Variants in FRY observed in about 807,000 individuals in gnomAD.
FRY encodes the protein FRY microtubule binding protein.
A neutral mutation model predicts 348.4 loss-of-function variants in FRY; 128 were observed. The observed-to-expected ratio is 0.37, with a 90% CI of 0.32 to 0.43. The LOEUF (loss-of-function observed/expected upper bound fraction) is 0.43. FRY is among the 20% of genes least tolerant of loss of function. FRY has a pLI of 1.00. For synonymous variants in FRY, 1,370 were observed against 1,374.7 expected, an observed-to-expected ratio of 1.00 and a Z score of 0.08; for missense variants, 2,736 against 3,695.2, an observed-to-expected ratio of 0.74 and a Z score of 6.73.
intron 27 of FRY, 142 bp from the exon 28 acceptor site, chr13:32,187,404 C>T (rs1883084930): frequency 1.5e-6 from 1 of 664,868 alleles, no homozygotes; most frequent in African/African-American, 1.8e-5. Context: ...CTAAAGAATG[C>T]TTTAAAAATC....
At chr13:32,137,168 TC>T in intron 11 of FRY, among the ~76,000 whole-genome samples, 196 bp downstream of exon 11, 1 of 152,222 alleles carries the variant, frequency 6.6e-6, no homozygotes, top group Non-Finnish European at 1.5e-5. Flanking sequence ...ATAAGATAAA[TC>T]ACTTCAGATT....
intron 2 of FRY, among the ~76,000 whole-genome samples, chr13:32,084,027 C>A (rs1875689194): frequency 6.6e-6 from 1 of 152,112 alleles, no homozygotes; most frequent in Non-Finnish European, 1.5e-5. Context: ...CATTTCTATA[C>A]CTTTTTTAAA....
intron 1 of FRY, among the ~76,000 whole-genome samples, chr13:32,062,307 A>G (rs964929444): frequency 1.3e-5 from 2 of 152,038 alleles, no homozygotes; most frequent in Non-Finnish European, 2.9e-5. Context: ...TTTCTATTGT[A>G]TGGCATCCCT....
intron 28 of FRY, among the ~76,000 whole-genome samples, chr13:32,188,538 T>G (rs148475317): frequency 2.6e-4 from 39 of 152,282 alleles, no homozygotes; most frequent in African/African-American, 8.4e-4. Context: ...ATTTTTCTGC[T>G]AATGCTTTGG....
Position 32,297,232 on chromosome 13 carries a change from T to C in FRY, c.*1772T>C, listed in dbSNP as rs1263219042. The C allele has an allele frequency of 6.6e-6, 1 of 152,230 alleles. No individual in the cohort carries two copies. Among genetic ancestry groups the C allele is most frequent in the Admixed American group, 6.5e-5 (1 of 15,290 alleles). The allele number at this position is 152,230 out of a possible 1,614,324, so 9.4% of individuals were successfully genotyped here. On this transcript the variant is annotated 3_prime_UTR_variant, in exon 61 of 61. Transcript: ENST00000542859. The stretch of plus-strand genomic sequence containing the variant: ...TGCAACTACTAGATTTTAATAATTT[T>C]CTGGACTGCTGAAAACATATTTTTC...
rs900156412 is a variant in FRY, at chr13:32,049,974, C to T, written c.70+18109C>T. 5.9e-5 allele frequency among the ~76,000 whole-genome samples: 9 copies of T among 152,252 alleles called. No homozygotes were observed. In the East Asian group the frequency reaches 9.7e-4, roughly 16 times the overall value. On this transcript the variant is annotated intron_variant, in intron 1 of 60. Coordinates refer to ENST00000542859, the MANE Select transcript of FRY (RefSeq NM_023037.3). Reference sequence around the variant, plus strand: ...ATATGCTCTTTAAATAGAATATTTGCGTTGAGGTTAAAAGGTGATGGCGGG... The same window carrying T: ...ATATGCTCTTTAAATAGAATATTTGTGTTGAGGTTAAAAGGTGATGGCGGG...
chr13:32,041,681 T>C (rs374698915), intron 1 of FRY, among the ~76,000 whole-genome samples: 1 of 152,224 alleles, frequency 6.6e-6, no homozygotes, highest in African/African-American at 2.4e-5. Flanking sequence ...TGTTGTCAGC[T>C]TCTCTTCCAG....
chr13:32,286,747 CAAAA>C (rs6144991), intron 58 of FRY, among the ~76,000 whole-genome samples: 11 of 77,498 alleles, frequency 1.4e-4, no homozygotes, highest in African/African-American at 6.4e-4. Flanking sequence ...GACTCTGTCT[CAAAA>C]AAAAAAAAAA....
rs561940073 is a variant in FRY, at chr13:32,118,750, T to G, written c.464+1277T>G. On this transcript the variant is annotated intron_variant, in intron 4 of 60. Transcript: ENST00000542859. ...CCAAATCCTGTACCCATTAGCAGCC[T>G]CTCCTCATGAATATTTTTTTAATTT... 7.9e-5 allele frequency among the ~76,000 whole-genome samples: 12 copies of G among 152,298 alleles called. No homozygotes were observed. In the East Asian group the frequency reaches 1.3e-3, roughly 17 times the overall value.
intron 20 of FRY, among the ~76,000 whole-genome samples, chr13:32,177,087 T>C (rs905868962): frequency 3.3e-5 from 5 of 152,176 alleles, no homozygotes; most frequent in Admixed American, 6.5e-5. Context: ...AACAGTTAAT[T>C]CATCATTTTA....
Position 32,205,894 on chromosome 13 carries a change from G to A in FRY, c.4019-2959G>A, listed in dbSNP as rs539411681. Among the ~76,000 whole-genome samples, 14 of 151,946 alleles carry A rather than the reference G, an allele frequency of 9.2e-5. No homozygotes were observed. The East Asian group carries it at 2.5e-3, about 27-fold the overall frequency. On this transcript the variant is annotated intron_variant, in intron 31 of 60. Transcript: ENST00000542859. ...AATGATAAGGGCCTGAACAAAGACAGCCCAATGAGACTGGAGGGGAGAAAC... is the reference window on the plus strand; with the variant it reads ...AATGATAAGGGCCTGAACAAAGACAACCCAATGAGACTGGAGGGGAGAAAC...
chr13:32,160,318 T>C (rs565129769), intron 16 of FRY, among the ~76,000 whole-genome samples: 2 of 152,356 alleles, frequency 1.3e-5, no homozygotes, highest in South Asian at 4.1e-4. Context: ...CATCAGACTT[T>C]AGATATGCTG....
chr13:32,031,782 T>C lies in FRY; in HGVS notation c.-14T>C, dbSNP rs888088557. 1.3e-6 allele frequency: 2 copies of C among 1,584,752 alleles called. No individual in the cohort carries two copies. The highest frequency in any genetic ancestry group is 1.3e-5 in the African/African-American group (1 of 74,442). On this transcript the variant is annotated 5_prime_UTR_variant, in exon 1 of 61. Coordinates refer to ENST00000542859, the MANE Select transcript of FRY (RefSeq NM_023037.3). Reference sequence around the variant, plus strand: ...CCGCTGCCCGTCCTCCCAGCCTCTTTGTATGCCGCAGACATGGCCAGCCAG... The same window carrying C: ...CCGCTGCCCGTCCTCCCAGCCTCTTCGTATGCCGCAGACATGGCCAGCCAG...
chr13:32,236,333 T>A (rs1346119011), intron 43 of FRY, among the ~76,000 whole-genome samples, 161 bp downstream of exon 43: 1 of 85,348 alleles, frequency 1.2e-5, no homozygotes, highest in South Asian at 5.2e-4. Context: ...AAAAAAGAAG[T>A]CATAATACAC....
At chr13:32,231,882 T>C (rs1257917188) in intron 41 of FRY, among the ~76,000 whole-genome samples, 1 of 152,232 alleles carries the variant, frequency 6.6e-6, no homozygotes, top group Non-Finnish European at 1.5e-5. Context: ...TCTCAACATG[T>C]TGTAAAACCA....
chr13:32,077,234 G>T (rs116623114), intron 1 of FRY, among the ~76,000 whole-genome samples: 179 of 152,276 alleles, frequency 1.2e-3, no homozygotes, highest in African/African-American at 4.2e-3. Context: ...CTGGATGATG[G>T]TAATTGAGAG....
At chr13:32,219,962 ATTTTGTT>A (rs1885231856) in intron 36 of FRY, among the ~76,000 whole-genome samples, 1 of 152,134 alleles carries the variant, frequency 6.6e-6, no homozygotes, top group Admixed American at 6.5e-5. Flanking sequence ...GCATTTACTG[ATTTTGTT>A]TAAGCCCTGG....
At position 32,209,862 on chromosome 13, in the gene FRY, G is replaced by A. The variant is rs1884584740; in HGVS notation, c.4422+131G>A. 9 of 906,958 alleles carry A rather than the reference G, an allele frequency of 9.9e-6. No individual in the cohort carries two copies. The East Asian group carries it at 2.3e-4, about 23-fold the overall frequency. 56.2% of individuals were successfully genotyped at this position (906,958 alleles called of 1,614,324 possible). Reference sequence around the variant, plus strand: ...AGTTAGTCACATGAATCTCCTGTGAGCTCATCCAGATATTACATAAAAGTT... The same window carrying A: ...AGTTAGTCACATGAATCTCCTGTGAACTCATCCAGATATTACATAAAAGTT... On this transcript the variant is annotated intron_variant, in intron 33 of 60. Coordinates refer to ENST00000542859, the MANE Select transcript of FRY (RefSeq NM_023037.3).
rs1877579910 is a variant in FRY at position 32,106,812 on chromosome 13, A to C, written c.324+4796A>C. Among the ~76,000 whole-genome samples the C allele has an allele frequency of 2.0e-5, 3 of 152,222 alleles. No individual in the cohort carries two copies. In the South Asian group the frequency reaches 6.2e-4, roughly 32 times the overall value. The stretch of plus-strand genomic sequence containing the variant: ...AAAGAAGAAAACCTGTTATTGGGTA[A>C]CAGCTAGATGTATCCACTAGATATT... On this transcript the variant is annotated intron_variant, in intron 3 of 60. Transcript: ENST00000542859.
Sources: gnomAD v4.1 joint callset for allele counts (sites outside exome capture counted in the v4.1 genomes callset) on GRCh38, gnomAD v4.1.1 for gene constraint, MANE v1.5 for transcripts, NCBI Gene and HGNC (gene_info 2026-07-23, HGNC 2026-07-21) for gene names.